Variants in LIFR observed in about 807,000 individuals in gnomAD.
The protein encoded by LIFR is LIF receptor subunit alpha.
A neutral mutation model predicts 122.2 loss-of-function variants in LIFR; 84 were observed. The ratio of observed to expected loss-of-function variants is 0.69; its 90% CI spans 0.58 to 0.82. The LOEUF (loss-of-function observed/expected upper bound fraction) is 0.82, where lower values mean the gene tolerates loss of function less well. Ranked by LOEUF, LIFR falls within the 40% of genes least tolerant of loss-of-function variation. LIFR has a pLI of 0.00. For synonymous variants in LIFR, 422 were observed against 434.7 expected (o/e 0.97, Z 0.36); for missense variants, 1,294 against 1,311.6 (o/e 0.99, Z 0.21).
intron 2 of LIFR, among the ~76,000 whole-genome samples, chr5:38,603,247 C>G (rs1193862398): frequency 6.6e-6 from 1 of 152,108 alleles, no homozygotes; most frequent in African/African-American, 2.4e-5. Flanking sequence ...TGAAACTTGC[C>G]TTGGTCTCTT....
chr5:38,517,228 T>G (rs1342446139), intron 5 of LIFR, among the ~76,000 whole-genome samples: 1 of 151,886 alleles, frequency 6.6e-6, no homozygotes, highest in Non-Finnish European at 1.5e-5. Flanking sequence ...ATTTAATAAA[T>G]AAAAAAATAA....
chr5:38,572,388 G>C (rs769147333), intron 1 of LIFR, among the ~76,000 whole-genome samples: 1 of 152,158 alleles, frequency 6.6e-6, no homozygotes, highest in Non-Finnish European at 1.5e-5. Context: ...ACAGCACCAA[G>C]GGGAGAGTGT....
chr5:38,593,585 A>G (rs1750001032), intron 1 of LIFR, among the ~76,000 whole-genome samples: 1 of 151,942 alleles, frequency 6.6e-6, no homozygotes, highest in Non-Finnish European at 1.5e-5. Flanking sequence ...AGGGGGATAG[A>G]CGGGTGGGTA....
chr5:38,490,376 T>C, intron 14 of LIFR, 85 bp from the exon 15 acceptor site: 1 of 573,358 alleles, frequency 1.7e-6, no homozygotes. Flanking sequence ...TAACATACTC[T>C]AAAATTTCCA....
At chr5:38,493,169 A>C (rs1441767662) in intron 14 of LIFR, among the ~76,000 whole-genome samples, 1 of 151,574 alleles carries the variant, frequency 6.6e-6, no homozygotes, top group Non-Finnish European at 1.5e-5. Context: ...CCCTGGGCAA[A>C]CAAGGCAAAG....
rs11297745 is a variant in LIFR at position 38,571,529 on chromosome 5, CAAAAAAAAAAAAA to C, written c.-20+23719_-20+23731del. Among the ~76,000 whole-genome samples the C allele has an allele frequency of 3.4e-3, 253 of 74,710 alleles. 3 individuals are homozygous for C. Among genetic ancestry groups the C allele is most frequent in the Middle Eastern group, 0.025 (3 of 122 alleles). The allele number at this position is 74,710 out of a possible 152,430, so 49.0% of individuals were successfully genotyped here. The stretch of plus-strand genomic sequence containing the variant: ...AAGATTGTGCCACTGCATTCCAGCT[CAAAAAAAAAAAAA>C]AAAAAAAAAGCACTAGCCTCCTTCT... On this transcript the variant is annotated intron_variant, in intron 1 of 19. Coordinates refer to the LIFR transcript ENST00000263409.
At chr5:38,571,668 A>C (rs1446044221) in intron 1 of LIFR, among the ~76,000 whole-genome samples, 2 of 152,224 alleles carry the variant, frequency 1.3e-5, no homozygotes, top group Non-Finnish European at 2.9e-5. Context: ...TGTTATCATA[A>C]TGCAATATTA....
rs1748144359 is a variant in LIFR at position 38,550,484 on chromosome 5, G to A, written c.-20+5850C>T. On this transcript the variant is annotated intron_variant, in intron 1 of 19. Coordinates refer to ENST00000453190, the MANE Select transcript of LIFR (RefSeq NM_001127671.2). ...CTAAGATGTAAAACACTGCACCTTC[G>A]TTTGCCTGTCTGGCTTAAGAGTTTG... is the stretch of plus-strand genomic sequence containing the variant. Among the ~76,000 whole-genome samples the A allele has an allele frequency of 3.3e-5, 5 of 152,088 alleles. No homozygotes were observed. In the South Asian group the frequency reaches 1.0e-3, roughly 32 times the overall value.
chr5:38,517,575 A>T (rs947650666), intron 5 of LIFR, among the ~76,000 whole-genome samples: 1 of 152,082 alleles, frequency 6.6e-6, no homozygotes, highest in African/African-American at 2.4e-5. Flanking sequence ...ATGGGCTTTA[A>T]GGCTGGGCGC....
At position 38,493,646 on chromosome 5, in the gene LIFR, T is replaced by C. The variant is rs756460722; in HGVS notation, c.2025A>G (p.Arg675=). ...TTTCAGTGCTGTTTGAGGGAACTTT[T>C]CTCCAGTCCATAAGGCATGGTTCCG... The part of the protein sequence containing the change: ...SRSEPCLMDW[R]KVPSNSTETV... Residue 675 remains arginine (R), a synonymous_variant, in exon 14 of 20, where the codon AGA becomes AGG. Coordinates refer to ENST00000453190, the MANE Select transcript of LIFR (RefSeq NM_001127671.2). 1 of 1,614,200 alleles carries C rather than the reference T, an allele frequency of 6.2e-7. No individual in the cohort carries two copies. Among genetic ancestry groups the C allele is most frequent in the South Asian group, 1.1e-5 (1 of 91,082 alleles).
In LIFR at chr5:38,484,712, C is replaced by A. The variant is rs1744188026; in HGVS notation, c.2591+63G>T. The stretch of plus-strand genomic sequence containing the variant: ...ACACTTATTTAATACATAAACTAAT[C>A]TTACAAATCTTATAATCATGCCTTT... On this transcript the variant is annotated intron_variant, in intron 18 of 19. Coordinates refer to ENST00000453190, the MANE Select transcript of LIFR (RefSeq NM_001127671.2). 2.8e-6 allele frequency: 3 copies of A among 1,077,284 alleles called. No homozygotes were observed. In the South Asian group the frequency reaches 3.9e-5, roughly 14 times the overall value. 66.7% of individuals were successfully genotyped at this position (1,077,284 alleles called of 1,614,324 possible).
chr5:38,588,503 T>A (rs1218799268), intron 1 of LIFR, among the ~76,000 whole-genome samples: 1 of 152,220 alleles, frequency 6.6e-6, no homozygotes, highest in African/African-American at 2.4e-5. Context: ...AAGAAATTAA[T>A]TTTCAATTTT....
intron 5 of LIFR, among the ~76,000 whole-genome samples, chr5:38,522,828 C>G (rs1257960744): frequency 6.6e-6 from 1 of 152,064 alleles, no homozygotes; most frequent in Admixed American, 6.5e-5. Flanking sequence ...ATTCTTAAAC[C>G]TGTAACTAAG....
intron 9 of LIFR, among the ~76,000 whole-genome samples, chr5:38,505,553 A>G (rs1745427609): frequency 6.6e-6 from 1 of 152,150 alleles, no homozygotes. Context: ...ATTATATAAG[A>G]TGACACCACT....
At position 38,530,555 on chromosome 5, in the gene LIFR, T is replaced by G. The variant is rs141254161; in HGVS notation, c.93A>C (p.Ser31=). 1 of 1,613,230 alleles carries G rather than the reference T, an allele frequency of 6.2e-7. No individual in the cohort carries two copies. Among genetic ancestry groups the G allele is most frequent in the Non-Finnish European group, 8.5e-7 (1 of 1,179,196 alleles). Residue 31 remains serine, a synonymous_variant, in exon 2 of 20, where the codon TCA becomes TCC. Coordinates refer to ENST00000453190, the MANE Select transcript of LIFR (RefSeq NM_001127671.2). ...TCATTAGATATAGAAGAATAAATGT[T>G]GATAACAGCCACTGGAAATTTGAAG... The part of the protein sequence containing the change: ...RTASNFQWLL[S]TFILLYLMNQ...
chr5:38,540,077 G>A (rs1034840879), intron 1 of LIFR, among the ~76,000 whole-genome samples: 2 of 152,114 alleles, frequency 1.3e-5, no homozygotes, highest in African/African-American at 2.4e-5. Context: ...ACTGTAAAAT[G>A]AGCAACTAAG....
At chr5:38,583,739 C>CTGTG in intron 1 of LIFR, among the ~76,000 whole-genome samples, 1 of 152,294 alleles carries the variant, frequency 6.6e-6, no homozygotes, top group African/African-American at 2.4e-5. Context: ...TATGGTTTGA[C>CTGTG]TGTGTCCCCA....
intron 4 of LIFR, among the ~76,000 whole-genome samples, chr5:38,523,882 A>G (rs1412206173): frequency 6.6e-6 from 1 of 152,230 alleles, no homozygotes; most frequent in Non-Finnish European, 1.5e-5. Flanking sequence ...AAAGGGGAAC[A>G]TATATATTAT....
intron 1 of LIFR, among the ~76,000 whole-genome samples, chr5:38,532,419 ACTTCCCAAAGCGAAGCTGTAAT>A (rs994444144): frequency 7.2e-5 from 11 of 152,178 alleles, no homozygotes; most frequent in African/African-American, 2.4e-4. Context: ...CACATAAGAG[ACTTCCCAAAGCGAAGCTGTAAT>A]ATTCCATTCC....
Sources: allele counts gnomAD v4.1 joint callset (sites outside exome capture counted in the v4.1 genomes callset), GRCh38; gene constraint gnomAD v4.1.1; transcripts MANE v1.5; gene names NCBI Gene and HGNC (gene_info 2026-07-23, HGNC 2026-07-21).